The following EIPR1 variants were observed in gnomAD, a reference collection of about 807,000 sequenced individuals.
EIPR1 encodes EARP and GARP complex-interacting protein 1.
Under a neutral mutation model 48.1 loss-of-function variants are expected in EIPR1, and 25 were observed. That is an observed-to-expected ratio of 0.52 (90% CI 0.38 to 0.73). EIPR1 has a LOEUF of 0.73. Among genes scored for constraint, EIPR1 ranks in the 30% least tolerant of loss-of-function variants. The pLI is 0.00. For synonymous variants in EIPR1, 204 were observed against 201.9 expected (o/e 1.01, Z -0.09); for missense variants, 415 against 506.2 (o/e 0.82, Z 1.73).
chr2:3,312,819 C>T lies in EIPR1; in HGVS notation c.259+25198G>A, dbSNP rs1196560883. 6.6e-6 allele frequency among the ~76,000 whole-genome samples: 1 copy of T among 152,166 alleles called. No individual in the cohort carries two copies. The highest frequency in any genetic ancestry group is 1.9e-4 in the East Asian group (1 of 5,190). On this transcript the variant is annotated intron_variant, in intron 3 of 8. Coordinates refer to ENST00000382125, the MANE Select transcript of EIPR1 (RefSeq NM_003310.5). This position sits in a 1 kb window ranked among gnomAD's most constrained non-coding sequence, Gnocchi z 5.5. ...TCATGGCCTGACCACCGCTGTGGGC[C>T]TCATTCTGGAATGGATGCTACCTAA...
intron 3 of EIPR1, among the ~76,000 whole-genome samples, chr2:3,331,078 C>G (rs1422298107): frequency 2.9e-5 from 4 of 135,890 alleles, no homozygotes; most frequent in Non-Finnish European, 6.5e-5. Flanking sequence ...TGGGCACACA[C>G]TCATGAGATG....
chr2:3,245,114 T>C (rs1228966286), intron 4 of EIPR1, among the ~76,000 whole-genome samples: 1 of 152,216 alleles, frequency 6.6e-6, no homozygotes, highest in African/African-American at 2.4e-5. Context: ...ATAACATTTA[T>C]ATGGGGCAAG....
chr2:3,308,551 T>C (rs1362591494), intron 3 of EIPR1, among the ~76,000 whole-genome samples: 1 of 152,050 alleles, frequency 6.6e-6, no homozygotes, highest in Non-Finnish European at 1.5e-5. Context: ...CAATAGCAGA[T>C]GGCCTCAGTC....
intron 1 of EIPR1, among the ~76,000 whole-genome samples, chr2:3,369,862 C>G (rs1241553887): frequency 6.6e-6 from 1 of 152,210 alleles, no homozygotes; most frequent in Non-Finnish European, 1.5e-5. Context: ...ATGTCCCTGT[C>G]TGACAGCTTT....
At chr2:3,333,822 T>C (rs1420937100) in intron 3 of EIPR1, among the ~76,000 whole-genome samples, 1 of 151,784 alleles carries the variant, frequency 6.6e-6, no homozygotes, top group East Asian at 1.9e-4. Flanking sequence ...AAAGCAGCTT[T>C]AGAAGAGGGC....
chr2:3,233,098 T>C (rs1391084020), intron 4 of EIPR1, among the ~76,000 whole-genome samples: 38 of 152,242 alleles, frequency 2.5e-4, no homozygotes, highest in Admixed American at 2.4e-3. Flanking sequence ...TAATAAGTGA[T>C]TGATATGCAG....
At chr2:3,305,388 C>A (rs34842897) in intron 3 of EIPR1, among the ~76,000 whole-genome samples, 40,391 of 135,424 alleles carry the variant, frequency 0.3, 5,907 homozygotes, top group Non-Finnish European at 0.32. Context: ...GCCCTCCACT[C>A]CCGTCCAGTT....
intron 3 of EIPR1, among the ~76,000 whole-genome samples, chr2:3,283,357 G>A (rs1668074157): frequency 6.6e-6 from 1 of 152,200 alleles, no homozygotes; most frequent in African/African-American, 2.4e-5. Flanking sequence ...GCACCCGAGG[G>A]GCTGCGAACC....
chr2:3,263,267 A>G (rs11127395), intron 3 of EIPR1, among the ~76,000 whole-genome samples: 103,457 of 152,086 alleles, frequency 0.68, 35,513 homozygotes, highest in East Asian at 0.81. Context: ...ACTCAAGGGC[A>G]TGGCCAACTG....
chr2:3,318,996 A>G (rs1171286542), intron 3 of EIPR1: 6 of 468,832 alleles, frequency 1.3e-5, no homozygotes, highest in African/African-American at 4.0e-5. Context: ...CTTGGAACTT[A>G]CCCCAGCAAC....
At chr2:3,340,605 ATATAT>A (rs1320246080) in intron 2 of EIPR1, among the ~76,000 whole-genome samples, 6 of 152,322 alleles carry the variant, frequency 3.9e-5, no homozygotes, top group African/African-American at 1.2e-4. Flanking sequence ...ACATTTTATA[ATATAT>A]TATTAGTTAT....
Position 3,325,472 on chromosome 2 carries a change from G to A in EIPR1, c.259+12545C>T, listed in dbSNP as rs77199951. Among the ~76,000 whole-genome samples, 944 of 152,296 alleles carry A rather than the reference G, an allele frequency of 6.2e-3. 9 individuals carry two copies. The highest frequency in any genetic ancestry group is 0.032 in the South Asian group (153 of 4,828). On this transcript the variant is annotated intron_variant, in intron 3 of 8. Transcript: ENST00000382125. ...TGAAGCGGTGACAGGAAGCTGGGGC[G>A]GGCCACCTTCCACTCGAGGGCCGCC...
chr2:3,323,379 G>A (rs1412285545), intron 3 of EIPR1, among the ~76,000 whole-genome samples: 5 of 152,130 alleles, frequency 3.3e-5, no homozygotes, highest in South Asian at 2.1e-4. Context: ...GGCTTCCTAC[G>A]ACAAATCTGA....
At position 3,364,987 on chromosome 2, in the gene EIPR1, T is replaced by C. The variant is rs1572487983; in HGVS notation, c.43-10354A>G. Reference sequence around the variant, plus strand: ...AATAGCTAAAAGAGAATAATTTGAATGGTTCTGACATAAAGAAAAAACAAA... The same window carrying C: ...AATAGCTAAAAGAGAATAATTTGAACGGTTCTGACATAAAGAAAAAACAAA... On this transcript the variant is annotated intron_variant, in intron 1 of 8. Coordinates refer to ENST00000382125, the MANE Select transcript of EIPR1 (RefSeq NM_003310.5). 2.0e-5 allele frequency among the ~76,000 whole-genome samples: 3 copies of C among 152,322 alleles called. No homozygotes were observed. In the East Asian group the frequency reaches 5.8e-4, roughly 29 times the overall value.
At chr2:3,242,492 G>C (rs1666667425) in intron 4 of EIPR1, among the ~76,000 whole-genome samples, 1 of 142,838 alleles carries the variant, frequency 7.0e-6, no homozygotes, top group Admixed American at 7.1e-5. Flanking sequence ...CTGGAAGACA[G>C]AGATTTCAGG....
chr2:3,376,396 T>C (rs950192308), intron 1 of EIPR1, among the ~76,000 whole-genome samples: 1 of 151,534 alleles, frequency 6.6e-6, no homozygotes, highest in Admixed American at 6.6e-5. Flanking sequence ...TGTAACCTAC[T>C]TAAAAACAGA....
intron 8 of EIPR1, among the ~76,000 whole-genome samples, chr2:3,190,794 C>T (rs1664580232): frequency 6.6e-6 from 1 of 152,036 alleles, no homozygotes; most frequent in Admixed American, 6.5e-5. Context: ...CTATGGCAGA[C>T]CGAGTTTCTA....
intron 3 of EIPR1, among the ~76,000 whole-genome samples, chr2:3,274,724 CT>C (rs945317177): frequency 6.6e-6 from 1 of 151,808 alleles, no homozygotes; most frequent in African/African-American, 2.4e-5. Flanking sequence ...ACAATATTTA[CT>C]TTTGAGGTTA....
At chr2:3,302,242 T>A (rs1668783796) in intron 3 of EIPR1, among the ~76,000 whole-genome samples, 1 of 152,156 alleles carries the variant, frequency 6.6e-6, no homozygotes, top group Non-Finnish European at 1.5e-5. Flanking sequence ...TCTGGGCCAA[T>A]GTCTAATGAA....
Sources: allele counts gnomAD v4.1 joint callset (sites outside exome capture counted in the v4.1 genomes callset), GRCh38; gene constraint gnomAD v4.1.1; non-coding constraint Gnocchi (gnomAD v3.1); transcripts MANE v1.5; gene names NCBI Gene and HGNC (gene_info 2026-07-23, HGNC 2026-07-21).